Variants in MRAP observed in about 807,000 individuals in gnomAD.
MRAP encodes the protein melanocortin 2 receptor accessory protein, also known as melanocortin-2 receptor accessory protein.
In MRAP, 8 loss-of-function variants were observed where a neutral mutation model predicts 8.7. The observed-to-expected ratio is 0.92, with a 90% CI of 0.54 to 1.66. The LOEUF (loss-of-function observed/expected upper bound fraction) is 1.66, where lower values mean the gene tolerates loss of function less well. MRAP is among the 40% of genes most tolerant of loss of function. The pLI is 0.00. For synonymous variants in MRAP, 95 were observed against 95.5 expected, an observed-to-expected ratio of 1.00 and a Z score of 0.03; for missense variants, 237 against 217.1, an observed-to-expected ratio of 1.09 and a Z score of -0.58.
intron 2 of MRAP, among the ~76,000 whole-genome samples, chr21:32,309,683 C>T (rs1439402337): frequency 6.6e-6 from 1 of 150,766 alleles, no homozygotes; most frequent in South Asian, 2.1e-4. Context: ...AACTCCAGAC[C>T]TGTAATCCTA....
At chr21:32,309,571 C>A (rs2032504415) in intron 2 of MRAP, among the ~76,000 whole-genome samples, 1 of 150,422 alleles carries the variant, frequency 6.6e-6, no homozygotes, top group African/African-American at 2.4e-5. Flanking sequence ...CTTGCCTCAG[C>A]CTCCCGAGTA....
chr21:32,310,683 T>G (rs948000188), intron 2 of MRAP, among the ~76,000 whole-genome samples: 22 of 151,592 alleles, frequency 1.5e-4, no homozygotes, highest in Non-Finnish European at 2.8e-4. Flanking sequence ...AGTCTTGCTC[T>G]GTTGCCAGGC....
Position 32,311,743 on chromosome 21 carries a change from G to A in MRAP, c.266G>A (p.Cys89Tyr). 6.2e-7 allele frequency: 1 copy of A among 1,614,070 alleles called. No individual in the cohort carries two copies. Among genetic ancestry groups the A allele is most frequent in the Admixed American group, 1.7e-5 (1 of 60,020 alleles). Reference sequence around the variant, plus strand: ...AGTCACGGCCTCAACCTCCACCTCTGCATCCAGAAGTGCCTGCCGTGCCAC... The same window carrying A: ...AGTCACGGCCTCAACCTCCACCTCTACATCCAGAAGTGCCTGCCGTGCCAC... Reference protein sequence around the residue: ...PWSHGLNLHLCIQKCLPCHRE... With the variant: ...PWSHGLNLHLYIQKCLPCHRE... Residue 89 changes from cysteine to tyrosine, a missense_variant, in exon 3 of 3, where the codon TGC becomes TAC. Cys to Tyr is a radical substitution (Grantham distance 194, BLOSUM62 -2). Coordinates refer to ENST00000303645, the MANE Select transcript of MRAP (RefSeq NM_001379228.1).
At position 32,311,774 on chromosome 21, in the gene MRAP, A is replaced by ACC; in HGVS notation, c.300_301dup (p.Leu101ProfsTer47). ...AGAAGTGCCTGCCGTGCCACAGGGA[A>ACC]CCCCTGGCAACCTCACAGGCTCAGG... On this transcript the variant is annotated frameshift_variant, in exon 3 of 3. Transcript: ENST00000303645. LOFTEE classifies it low-confidence loss of function (END_TRUNC). The ACC allele has an allele frequency of 6.2e-7, 1 of 1,614,048 alleles. No individual in the cohort carries two copies. The highest frequency in any genetic ancestry group is 8.5e-7 in the Non-Finnish European group (1 of 1,179,992).
At chr21:32,304,069 T>C (rs2032346702) in intron 1 of MRAP, among the ~76,000 whole-genome samples, 1 of 152,208 alleles carries the variant, frequency 6.6e-6, no homozygotes. Context: ...GCTGTTCCCT[T>C]AGATCCCTGG....
upstream of MRAP, among the ~76,000 whole-genome samples, chr21:32,298,687 C>T (rs1482206806): frequency 6.6e-6 from 1 of 152,212 alleles, no homozygotes; most frequent in Non-Finnish European, 1.5e-5. Flanking sequence ...CCTAGGGCTG[C>T]CCTGGAAAGC....
chr21:32,304,123 T>C (rs1438202409), intron 1 of MRAP, among the ~76,000 whole-genome samples: 1 of 152,176 alleles, frequency 6.6e-6, no homozygotes, highest in Non-Finnish European at 1.5e-5. Flanking sequence ...CCTGCACTAT[T>C]TTTAGGAAGG....
In MRAP at chr21:32,309,954, GT is replaced by G. The variant is rs2032517451; in HGVS notation, c.207-1725del. On this transcript the variant is annotated intron_variant, in intron 2 of 2. Coordinates refer to ENST00000303645, the MANE Select transcript of MRAP (RefSeq NM_001379228.1). ...GCCTGAAATCTGTTCTTTTCTTTCAGTTTTTAGAACTCACATTCAATTTAAG... is the reference window on the plus strand; with the variant it reads ...GCCTGAAATCTGTTCTTTTCTTTCAGTTTTAGAACTCACATTCAATTTAAG... 3.9e-5 allele frequency among the ~76,000 whole-genome samples: 6 copies of G among 152,100 alleles called. No homozygotes were observed. The South Asian group carries it at 1.2e-3, about 32-fold the overall frequency.
At chr21:32,306,282 C>A (rs2032413978) in intron 1 of MRAP, among the ~76,000 whole-genome samples, 1 of 152,132 alleles carries the variant, frequency 6.6e-6, no homozygotes, top group Admixed American at 6.5e-5. Flanking sequence ...GAGCTGCCCA[C>A]AGCCCTCTCC....
chr21:32,293,409 T>C (rs1025564575), intron 2 of MRAP, among the ~76,000 whole-genome samples: 3 of 152,208 alleles, frequency 2.0e-5, no homozygotes. Flanking sequence ...TAGTAACATG[T>C]TGCAGCAGCC....
upstream of MRAP, among the ~76,000 whole-genome samples, chr21:32,294,337 G>A (rs191711158): frequency 6.6e-6 from 1 of 152,114 alleles, no homozygotes; most frequent in South Asian, 2.1e-4. Context: ...GGATGGTCTC[G>A]ATCTCCTGAC....
chr21:32,299,381 C>G (rs1480680669), intron 1 of MRAP, among the ~76,000 whole-genome samples: 1 of 152,208 alleles, frequency 6.6e-6, no homozygotes, highest in Non-Finnish European at 1.5e-5. Context: ...GTTGCCTAGG[C>G]TGGAGTGCAG....
rs372692326 is a variant in MRAP at position 32,309,927 on chromosome 21, C to G, written c.207-1757C>G. Among the ~76,000 whole-genome samples the G allele has an allele frequency of 5.4e-4, 82 of 152,144 alleles. 1 individual carries two copies. The highest frequency in any genetic ancestry group is 1.9e-3 in the African/African-American group (77 of 41,546). On this transcript the variant is annotated intron_variant, in intron 2 of 2. Transcript: ENST00000303645. ...CACTGAGGTCAGGAGCCACTGTGCA[C>G]AGCCTGAAATCTGTTCTTTTCTTTC...
Position 32,301,575 on chromosome 21 carries a change from C to T in MRAP, c.106+2498C>T, listed in dbSNP as rs556102434. 9.2e-5 allele frequency among the ~76,000 whole-genome samples: 14 copies of T among 152,308 alleles called. No individual in the cohort carries two copies. In the East Asian group the frequency reaches 2.7e-3, roughly 29 times the overall value. On this transcript the variant is annotated intron_variant, in intron 1 of 2. Transcript: ENST00000303645. ...TCTTCATCTGTGCCCTTTTCCGAGG[C>T]TAAGCTTAGAAGAAAATCAATCTTA...
chr21:32,293,298 C>T (rs1294286441), intron 2 of MRAP, among the ~76,000 whole-genome samples: 1 of 151,366 alleles, frequency 6.6e-6, no homozygotes, highest in Non-Finnish European at 1.5e-5. Flanking sequence ...CCATAAGACT[C>T]ATTACAGGCT....
intron 2 of MRAP, among the ~76,000 whole-genome samples, chr21:32,310,678 T>C (rs1190477253): frequency 6.6e-6 from 1 of 151,700 alleles, no homozygotes; most frequent in African/African-American, 2.4e-5. Flanking sequence ...GACTGAGTCT[T>C]GCTCTGTTGC....
intron 2 of MRAP, among the ~76,000 whole-genome samples, chr21:32,308,068 AG>A (rs1661041583): frequency 6.6e-6 from 1 of 152,190 alleles, no homozygotes. Context: ...CCAGCTCACC[AG>A]GAACATAAGA....
chr21:32,313,397 G>C (rs1205206888), downstream of MRAP: 1 of 152,292 alleles, frequency 6.6e-6, no homozygotes, highest in African/African-American at 2.4e-5. Flanking sequence ...CGCTTTGTTG[G>C]AGCAGCGCTT....
At chr21:32,310,640 TTTC>T (rs367910614) in intron 2 of MRAP, among the ~76,000 whole-genome samples, 72 of 151,882 alleles carry the variant, frequency 4.7e-4, no homozygotes, top group African/African-American at 1.7e-3. Flanking sequence ...GGAGGACACA[TTTC>T]TTTTTTTTTT....
Sources: allele counts gnomAD v4.1 joint callset (sites outside exome capture counted in the v4.1 genomes callset), GRCh38; gene constraint gnomAD v4.1.1; transcripts MANE v1.5; gene names NCBI Gene and HGNC (gene_info 2026-07-23, HGNC 2026-07-21).